CHST15: variants seen among roughly 807,000 people sequenced by gnomAD.
CHST15 encodes the protein B cell RAG associated protein (GALNAC4S-6ST).
CHST15 carries 30 observed loss-of-function variants against 53.6 expected under a neutral mutation model. The observed-to-expected ratio is 0.56, with a 90% CI of 0.42 to 0.76. The LOEUF is 0.76. Among genes scored for constraint, CHST15 ranks in the 30% least tolerant of loss-of-function variants. CHST15 has a pLI of 0.00. For missense variants in CHST15, 627 were observed against 740.5 expected (o/e 0.85, Z 1.78); for synonymous variants, 296 against 289.8 (o/e 1.02, Z -0.22).
intron 1 of CHST15, among the ~76,000 whole-genome samples, chr10:124,058,757 A>G (rs1948466409): frequency 6.6e-6 from 1 of 152,220 alleles, no homozygotes; most frequent in African/African-American, 2.4e-5. Flanking sequence ...TAAATTAAAG[A>G]GTCAGGGAAC....
At chr10:124,054,830 G>A (rs1948320679) in intron 1 of CHST15, among the ~76,000 whole-genome samples, 1 of 152,176 alleles carries the variant, frequency 6.6e-6, no homozygotes, top group Non-Finnish European at 1.5e-5. Flanking sequence ...ACCGTGGAAG[G>A]ATGAGCCATC....
chr10:124,057,774 A>G (rs1399770262), intron 1 of CHST15, among the ~76,000 whole-genome samples: 1 of 152,018 alleles, frequency 6.6e-6, no homozygotes, highest in African/African-American at 2.4e-5. Context: ...CAGGAGGGAG[A>G]ATGGGGTCTT....
In CHST15 at chr10:124,007,971, G is replaced by A. The variant is rs746452998; in HGVS notation, c.*2178C>T. On this transcript the variant is annotated 3_prime_UTR_variant, in exon 8 of 8. Coordinates refer to ENST00000435907, the MANE Select transcript of CHST15 (RefSeq NM_001270764.2). ...CGAATGAGAGGAAGCAGAGGCAGCC[G>A]AAGTGCCCTCTGGAGAGAAAGGCCC... 2.2e-5 allele frequency: 26 copies of A among 1,171,724 alleles called. No homozygotes were observed. The highest frequency in any genetic ancestry group is 1.6e-4 in the African/African-American group (7 of 43,604). The allele number at this position is 1,171,724 out of a possible 1,614,324, so 72.6% of individuals were successfully genotyped here. A position where few individuals can be genotyped will look rare whatever the true frequency, so the allele number is the denominator to read the frequency against.
intron 6 of CHST15, among the ~76,000 whole-genome samples, chr10:124,015,534 G>A (rs1007001096): frequency 6.6e-6 from 1 of 151,792 alleles, no homozygotes; most frequent in African/African-American, 2.4e-5. Context: ...AGGCTGAGCT[G>A]AGCACAGTCC....
At position 124,008,845 on chromosome 10, in the gene CHST15, G is replaced by A. The variant is rs571195035; in HGVS notation, c.*1304C>T. On this transcript the variant is annotated 3_prime_UTR_variant, in exon 8 of 8. Transcript: ENST00000435907. ...GGGCTGTTGCCAAGGATGCTCAAGC[G>A]TTCTCTTCAATCTTCCCTGTGACTT... The A allele has an allele frequency of 7.3e-5, 92 of 1,252,896 alleles. No homozygotes were observed. The highest frequency in any genetic ancestry group is 2.3e-4 in the Middle Eastern group (1 of 4,296). 77.6% of individuals were successfully genotyped at this position (1,252,896 alleles called of 1,614,324 possible).
intron 1 of CHST15, among the ~76,000 whole-genome samples, chr10:124,071,414 C>T (rs1238652421): frequency 6.6e-6 from 1 of 152,204 alleles, no homozygotes; most frequent in African/African-American, 2.4e-5. Flanking sequence ...GGGCTTCTCT[C>T]CTCTCCTCCA....
intron 1 of CHST15, among the ~76,000 whole-genome samples, chr10:124,047,891 T>C (rs544705945): frequency 2.3e-4 from 35 of 152,288 alleles, no homozygotes; most frequent in African/African-American, 7.9e-4. Flanking sequence ...TCTTTAGCAA[T>C]TGAAAATTAC....
rs777762936 is a variant in CHST15, at chr10:124,036,469, G to A, written c.1190+2046C>T. On this transcript the variant is annotated intron_variant, in intron 5 of 7. Transcript: ENST00000435907. The surrounding 1 kb of genome is among the most constrained non-coding windows in gnomAD (Gnocchi z 5.1). ...GCCACCAAGAGCTCAGGCTCAGAGCGCTGGGGCTGAGGGAGGGCAGATCCA... is the reference window on the plus strand; with the variant it reads ...GCCACCAAGAGCTCAGGCTCAGAGCACTGGGGCTGAGGGAGGGCAGATCCA... Among the ~76,000 whole-genome samples the A allele has an allele frequency of 1.3e-5, 2 of 152,114 alleles. No homozygotes were observed. Among genetic ancestry groups the A allele is most frequent in the Non-Finnish European group, 1.5e-5 (1 of 68,018 alleles).
chr10:124,062,834 C>T (rs773454457), intron 1 of CHST15, among the ~76,000 whole-genome samples: 5 of 152,064 alleles, frequency 3.3e-5, no homozygotes, highest in Non-Finnish European at 7.3e-5. Context: ...TGGACTTAAA[C>T]GCAAGCTGAA....
intron 1 of CHST15, among the ~76,000 whole-genome samples, chr10:124,061,940 A>C (rs376945016): frequency 1.3e-5 from 2 of 151,886 alleles, no homozygotes; most frequent in East Asian, 1.9e-4. Context: ...TCCAAGCTGC[A>C]CTGTGTCCCC....
intron 1 of CHST15, among the ~76,000 whole-genome samples, chr10:124,088,161 T>C (rs963700037): frequency 6.6e-6 from 1 of 152,192 alleles, no homozygotes; most frequent in African/African-American, 2.4e-5. Flanking sequence ...TGGCAGGTAT[T>C]AACTCTGAAA....
At position 124,021,341 on chromosome 10, in the gene CHST15, T is replaced by G. The variant is rs772538245; in HGVS notation, c.1262A>C (p.Glu421Ala). 1 of 1,614,076 alleles carries G rather than the reference T, an allele frequency of 6.2e-7. No homozygotes were observed. The highest frequency in any genetic ancestry group is 1.1e-5 in the South Asian group (1 of 91,086). The change falls in exon 6 of 8, where the codon GAA (glutamate) becomes GCA (alanine). Residue 421 changes from glutamate to alanine, a missense_variant. By Grantham distance (107) the Glu-to-Ala change is moderately radical. Coordinates refer to ENST00000435907, the MANE Select transcript of CHST15 (RefSeq NM_001270764.2). Reference sequence around the variant, plus strand: ...GCAATTTTCAAACAGCTGCAGTGCTTCTGTCACTTTCTCATGGAAGTCGTC... The same window carrying G: ...GCAATTTTCAAACAGCTGCAGTGCTGCTGTCACTTTCTCATGGAAGTCGTC... Reference protein sequence around the residue: ...SADDFHEKVTEALQLFENCML... With the variant: ...SADDFHEKVTAALQLFENCML...
intron 1 of CHST15, among the ~76,000 whole-genome samples, chr10:124,064,763 C>CA (rs1247485712): frequency 6.6e-6 from 1 of 152,026 alleles, no homozygotes; most frequent in African/African-American, 2.4e-5. Flanking sequence ...TCCCCAACAC[C>CA]ACTGGCCCTG....
At chr10:124,027,864 G>A (rs1947071921) in intron 5 of CHST15, among the ~76,000 whole-genome samples, 1 of 152,222 alleles carries the variant, frequency 6.6e-6, no homozygotes, top group Non-Finnish European at 1.5e-5. Flanking sequence ...GCCTCACCCA[G>A]CTGGATGTGG....
chr10:124,066,366 C>T (rs754127142), intron 1 of CHST15, among the ~76,000 whole-genome samples: 1 of 152,044 alleles, frequency 6.6e-6, no homozygotes, highest in Non-Finnish European at 1.5e-5. Context: ...AGGGCTGTCT[C>T]TCTCCACCAC....
At chr10:124,020,254 G>C in intron 6 of CHST15, 3 of 985,538 alleles carry the variant, frequency 3.0e-6, no homozygotes, top group Non-Finnish European at 3.6e-6. Flanking sequence ...TCTCAGAAAG[G>C]CTGAGACAAC....
chr10:124,071,236 G>A (rs2134159512), intron 1 of CHST15, among the ~76,000 whole-genome samples: 1 of 152,328 alleles, frequency 6.6e-6, no homozygotes, highest in South Asian at 2.1e-4. Flanking sequence ...GGCACTACCT[G>A]GAGGGAACGG....
At chr10:124,082,927 T>C (rs990309392) in intron 1 of CHST15, among the ~76,000 whole-genome samples, 6 of 152,236 alleles carry the variant, frequency 3.9e-5, no homozygotes, top group African/African-American at 1.4e-4. Flanking sequence ...AGGGTACATG[T>C]AGGGGAATGG....
chr10:124,043,286 A>G (rs761531547), intron 3 of CHST15, among the ~76,000 whole-genome samples: 18 of 152,152 alleles, frequency 1.2e-4, no homozygotes, highest in Non-Finnish European at 2.6e-4. Flanking sequence ...AATCACTGTG[A>G]GCCTCGGGGG....
Sources: gnomAD v4.1 joint callset for allele counts (sites outside exome capture counted in the v4.1 genomes callset) on GRCh38, gnomAD v4.1.1 for gene constraint, Gnocchi (gnomAD v3.1) non-coding constraint, MANE v1.5 for transcripts, NCBI Gene and HGNC (gene_info 2026-07-23, HGNC 2026-07-21) for gene names.